DPH6: variants seen among roughly 807,000 people sequenced by gnomAD.
DPH6 encodes the protein diphthamine biosynthesis 6.
Under a neutral mutation model 38.2 loss-of-function variants are expected in DPH6, and 33 were observed. The observed-to-expected ratio is 0.86, with a 90% CI of 0.65 to 1.15. DPH6 has a LOEUF of 1.15. Among genes scored for constraint, DPH6 ranks in the 50% most tolerant of loss-of-function variants. DPH6 has a pLI of 0.00. For missense variants in DPH6, 325 were observed against 320.0 expected, an observed-to-expected ratio of 1.02 and a Z score of -0.12; for synonymous variants, 108 against 103.0, an observed-to-expected ratio of 1.05 and a Z score of -0.30.
At chr15:35,397,990 A>G (rs1649845486) in intron 6 of DPH6, among the ~76,000 whole-genome samples, 1 of 151,942 alleles carries the variant, frequency 6.6e-6, no homozygotes. Flanking sequence ...TATCTCCTTC[A>G]AGACAGGAGA....
downstream of DPH6, among the ~76,000 whole-genome samples, chr15:35,215,995 A>G (rs2051409531): frequency 6.6e-6 from 1 of 152,220 alleles, no homozygotes; most frequent in East Asian, 1.9e-4. Context: ...TTGATCCAAC[A>G]TTGGATATGA....
At chr15:35,465,947 C>G (rs1379063305) in intron 3 of DPH6, among the ~76,000 whole-genome samples, 1 of 152,110 alleles carries the variant, frequency 6.6e-6, no homozygotes, top group Non-Finnish European at 1.5e-5. Context: ...TGAAGTCATC[C>G]CAGATCAAAT....
At chr15:35,222,699 A>G (rs1458387075) in intron 3 of DPH6, among the ~76,000 whole-genome samples, 1 of 152,188 alleles carries the variant, frequency 6.6e-6, no homozygotes, top group Non-Finnish European at 1.5e-5. Context: ...CATAAACAAT[A>G]GGGAAGAGGA....
At chr15:35,277,743 T>C (rs1425510238) in intron 3 of DPH6, among the ~76,000 whole-genome samples, 1 of 152,164 alleles carries the variant, frequency 6.6e-6, no homozygotes, top group African/African-American at 2.4e-5. Context: ...GTAAAGGTTA[T>C]CCATTATGCT....
intron 6 of DPH6, among the ~76,000 whole-genome samples, chr15:35,405,653 G>T (rs1022891197): frequency 6.6e-6 from 1 of 152,032 alleles, no homozygotes; most frequent in African/African-American, 2.4e-5. Flanking sequence ...AGCAAGCAAG[G>T]ATAATTTGAC....
intron 3 of DPH6, among the ~76,000 whole-genome samples, chr15:35,280,421 A>G (rs2140435434): frequency 6.6e-6 from 1 of 152,350 alleles, no homozygotes; most frequent in South Asian, 2.1e-4. Flanking sequence ...GGATGAAAGT[A>G]TCATGGAAGA....
intron 5 of DPH6, among the ~76,000 whole-genome samples, chr15:35,428,413 G>C (rs2053594627): frequency 6.6e-6 from 1 of 151,928 alleles, no homozygotes; most frequent in Admixed American, 6.6e-5. Flanking sequence ...AGGAAGAATG[G>C]AATTTCTCTC....
At chr15:35,325,693 C>T (rs1322977793) in intron 3 of DPH6, among the ~76,000 whole-genome samples, 1 of 151,952 alleles carries the variant, frequency 6.6e-6, no homozygotes, top group East Asian at 1.9e-4. Flanking sequence ...TTAAAGAGGA[C>T]ATTGAAAACA....
intron 5 of DPH6, among the ~76,000 whole-genome samples, chr15:35,438,792 G>A (rs1021623197): frequency 1.3e-5 from 2 of 152,152 alleles, no homozygotes; most frequent in African/African-American, 4.8e-5. Context: ...TTTGAGAAAC[G>A]GAAACAGCCT....
chr15:35,448,566 T>G (rs1045270591), intron 5 of DPH6, among the ~76,000 whole-genome samples: 34 of 152,160 alleles, frequency 2.2e-4, no homozygotes, highest in Non-Finnish European at 1.5e-5. Context: ...AGGTCTGGGA[T>G]AGAAAATGTG....
intron 8 of DPH6, 23 bp from the exon 9 acceptor site, chr15:35,372,226 G>T (rs1470544643): frequency 6.8e-7 from 1 of 1,475,318 alleles, no homozygotes; most frequent in South Asian, 1.5e-5. Flanking sequence ...GGGAAGGAAA[G>T]GGAAGGAAAA....
At chr15:35,361,455 A>G (rs925957189) in intron 3 of DPH6, among the ~76,000 whole-genome samples, 3 of 151,020 alleles carry the variant, frequency 2.0e-5, no homozygotes, top group African/African-American at 7.3e-5. Context: ...TTGAATTTGG[A>G]TATCTACATC....
chr15:35,379,274 T>C (rs2052830090), intron 7 of DPH6, among the ~76,000 whole-genome samples: 1 of 152,262 alleles, frequency 6.6e-6, no homozygotes, highest in Non-Finnish European at 1.5e-5. Flanking sequence ...AAATTTATTT[T>C]TTCTCGCCTT....
At chr15:35,329,151 C>T (rs2052308227), downstream of DPH6, among the ~76,000 whole-genome samples, 1 of 152,154 alleles carries the variant, frequency 6.6e-6, no homozygotes, top group Non-Finnish European at 1.5e-5. Flanking sequence ...TTAGAAGATA[C>T]AGACTCATGG....
At chr15:35,175,529 G>A in the DPH6 span, among the ~76,000 whole-genome samples, 1 of 152,128 alleles carries the variant, frequency 6.6e-6, no homozygotes, top group Non-Finnish European at 1.5e-5. Context: ...ACAAAAGTAG[G>A]GATAATTTGC....
chr15:35,283,187 T>C (rs563086379), intron 3 of DPH6, among the ~76,000 whole-genome samples: 5 of 148,352 alleles, frequency 3.4e-5, no homozygotes, highest in African/African-American at 1.3e-4. Context: ...CTCTTCTTTT[T>C]CTTCTCTTCT....
chr15:35,348,781 C>T (rs1028897356), intron 3 of DPH6, among the ~76,000 whole-genome samples: 4 of 152,056 alleles, frequency 2.6e-5, no homozygotes, highest in Non-Finnish European at 4.4e-5. Context: ...CCCATGATCA[C>T]GGGATGTCTT....
chr15:35,255,544 T>A (rs911456648), intron 3 of DPH6, among the ~76,000 whole-genome samples: 2 of 152,186 alleles, frequency 1.3e-5, no homozygotes, highest in Non-Finnish European at 2.9e-5. Flanking sequence ...CCCCCTGAGA[T>A]AAATGTTACT....
At chr15:35,335,604 T>G (rs528740288) in intron 3 of DPH6, among the ~76,000 whole-genome samples, 1 of 152,322 alleles carries the variant, frequency 6.6e-6, no homozygotes, top group East Asian at 1.9e-4. Flanking sequence ...TTCAATTTTC[T>G]GCATATGGCT....
Sources: allele counts gnomAD v4.1 joint callset (sites outside exome capture counted in the v4.1 genomes callset), GRCh38; gene constraint gnomAD v4.1.1; transcripts MANE v1.5; gene names NCBI Gene and HGNC (gene_info 2026-07-23, HGNC 2026-07-21).